The following B3GALT1 variants were observed in gnomAD, a reference collection of about 807,000 sequenced individuals.
B3GALT1 encodes beta-1,3-galactosyltransferase 1.
Under a neutral mutation model 23.2 loss-of-function variants are expected in B3GALT1, and 10 were observed. That is an observed-to-expected ratio of 0.43 (90% CI 0.27 to 0.73). The LOEUF (loss-of-function observed/expected upper bound fraction) is 0.73, where lower values mean the gene tolerates loss of function less well. B3GALT1 is among the 30% of genes least tolerant of loss of function. The pLI is 0.21. For synonymous variants in B3GALT1, 156 were observed against 141.5 expected (o/e 1.10, Z -0.73); for missense variants, 299 against 405.4 (o/e 0.74, Z 2.25).
chr2:167,421,773 C>A (rs1698549476), intron 1 of B3GALT1, among the ~76,000 whole-genome samples: 1 of 152,292 alleles, frequency 6.6e-6, no homozygotes, highest in Non-Finnish European at 1.5e-5. Flanking sequence ...GTTGGCTCAT[C>A]AACCTCTGCT....
intron 2 of B3GALT1, among the ~76,000 whole-genome samples, chr2:167,564,717 C>A (rs575102143): frequency 1.3e-5 from 2 of 152,338 alleles, no homozygotes; most frequent in South Asian, 4.1e-4. Context: ...ACACCAATAA[C>A]AGACAGACAG....
At chr2:167,428,170 A>C (rs1446701818) in intron 1 of B3GALT1, among the ~76,000 whole-genome samples, 1 of 152,252 alleles carries the variant, frequency 6.6e-6, no homozygotes, top group East Asian at 1.9e-4. Context: ...TGAGAAAATA[A>C]GGATAGGCAA....
chr2:167,541,723 T>G (rs1574127301), intron 2 of B3GALT1, among the ~76,000 whole-genome samples: 1 of 152,148 alleles, frequency 6.6e-6, no homozygotes, highest in East Asian at 1.9e-4. Flanking sequence ...TTGTCCTCCA[T>G]GAATACCTTT....
chr2:167,836,471 T>G (rs934911610), intron 4 of B3GALT1, among the ~76,000 whole-genome samples: 55 of 151,948 alleles, frequency 3.6e-4, no homozygotes, highest in African/African-American at 1.3e-3. Flanking sequence ...AAGGGAAGTT[T>G]AGAGAAAAAA....
chr2:167,545,121 G>A (rs1485515961), intron 2 of B3GALT1, among the ~76,000 whole-genome samples: 2 of 131,400 alleles, frequency 1.5e-5, no homozygotes, highest in Non-Finnish European at 3.1e-5. Flanking sequence ...TGCAAGCTCT[G>A]CCTCCCGGGT....
intron 2 of B3GALT1, among the ~76,000 whole-genome samples, chr2:167,571,025 A>G (rs1684285244): frequency 6.6e-6 from 1 of 151,990 alleles, no homozygotes; most frequent in African/African-American, 2.4e-5. Context: ...CTATTTTGGA[A>G]ACTGTTAAGT....
At chr2:167,651,751 G>A (rs1305062034) in intron 3 of B3GALT1, among the ~76,000 whole-genome samples, 3 of 152,148 alleles carry the variant, frequency 2.0e-5, no homozygotes, top group African/African-American at 7.2e-5. Flanking sequence ...GTTCAATAGT[G>A]CAGTTGAACA....
Position 167,623,571 on chromosome 2 carries a change from G to T in B3GALT1, c.-409-23338G>T, listed in dbSNP as rs139103422. The stretch of plus-strand genomic sequence containing the variant: ...GAACAATGAGAACACATGGGCACAG[G>T]GAGGGGAACATCACACACCAGGGCT... On this transcript the variant is annotated intron_variant, in intron 2 of 4. Transcript: ENST00000392690. Among the ~76,000 whole-genome samples, 978 of 152,120 alleles carry T rather than the reference G, an allele frequency of 6.4e-3. 9 individuals carry two copies. Among genetic ancestry groups the T allele is most frequent in the African/African-American group, 0.023 (947 of 41,514 alleles).
chr2:167,717,679 C>T (rs943711028), intron 3 of B3GALT1, among the ~76,000 whole-genome samples: 7 of 152,050 alleles, frequency 4.6e-5, no homozygotes, highest in Admixed American at 2.6e-4. Context: ...TTTATTCCTC[C>T]TCCTTTGGTT....
In B3GALT1 at chr2:167,808,360, T is replaced by G. The variant is rs1380248325; in HGVS notation, c.-351-10312T>G. ...TCCTGTCATTATGATGTTAGCTGGT[T>G]ATTTTGCTCGTTAGTTGATGCAGTT... On this transcript the variant is annotated intron_variant, in intron 3 of 4. Transcript: ENST00000392690. 1.1e-4 allele frequency among the ~76,000 whole-genome samples: 17 copies of G among 151,714 alleles called. No individual in the cohort carries two copies. In the East Asian group the frequency reaches 1.9e-3, roughly 17 times the overall value.
intron 2 of B3GALT1, among the ~76,000 whole-genome samples, chr2:167,513,033 G>T (rs994706791): frequency 1.7e-5 from 2 of 115,326 alleles, no homozygotes; most frequent in African/African-American, 3.3e-5. Flanking sequence ...CTGTTTGACA[G>T]AATTCACAAC....
intron 1 of B3GALT1, among the ~76,000 whole-genome samples, chr2:167,334,890 T>G (rs540558633): frequency 6.6e-6 from 1 of 152,322 alleles, no homozygotes; most frequent in South Asian, 2.1e-4. Context: ...CTCAGGACTG[T>G]TCTCTCAAGT....
chr2:167,347,845 G>A (rs567289880), intron 1 of B3GALT1, among the ~76,000 whole-genome samples: 18 of 152,230 alleles, frequency 1.2e-4, no homozygotes, highest in East Asian at 3.9e-4. Flanking sequence ...TTTTAACCTG[G>A]AAGAGTTGAA....
Position 167,298,277 on chromosome 2 carries a change from A to G in B3GALT1, c.-511+4943A>G, listed in dbSNP as rs113459814. ...TATTTATTGCCAGTTCATTTGAGGTAGAAGATCTAGAAACACTATTTGTTA... is the reference window on the plus strand; with the variant it reads ...TATTTATTGCCAGTTCATTTGAGGTGGAAGATCTAGAAACACTATTTGTTA... On this transcript the variant is annotated intron_variant, in intron 1 of 4. Transcript: ENST00000392690. Among the ~76,000 whole-genome samples, 1,125 of 152,248 alleles carry G rather than the reference A, an allele frequency of 7.4e-3. 14 individuals carry two copies. Among genetic ancestry groups the G allele is most frequent in the African/African-American group, 0.025 (1,053 of 41,576 alleles).
chr2:167,514,352 C>T (rs1326643369), intron 2 of B3GALT1, among the ~76,000 whole-genome samples: 1 of 152,134 alleles, frequency 6.6e-6, no homozygotes, highest in Admixed American at 6.5e-5. Context: ...TAAGCAAAAT[C>T]ATTGCAGTTT....
intron 3 of B3GALT1, among the ~76,000 whole-genome samples, chr2:167,663,532 C>T (rs1171546245): frequency 3.9e-5 from 6 of 151,908 alleles, no homozygotes; most frequent in Non-Finnish European, 7.4e-5. Flanking sequence ...TGAGGAATCG[C>T]CACACTGACT....
At chr2:167,799,502 T>C (rs1181085274) in intron 3 of B3GALT1, among the ~76,000 whole-genome samples, 3 of 152,194 alleles carry the variant, frequency 2.0e-5, no homozygotes, top group Non-Finnish European at 4.4e-5. Flanking sequence ...TGATGAAATA[T>C]ACCAAAATCA....
At chr2:167,506,107 CACA>C (rs1217526971) in intron 2 of B3GALT1, among the ~76,000 whole-genome samples, 3 of 152,080 alleles carry the variant, frequency 2.0e-5, no homozygotes, top group Admixed American at 1.3e-4. Context: ...GTTCAAGCAA[CACA>C]ACTCTATGAT....
chr2:167,617,607 CT>C (rs1029927392), intron 2 of B3GALT1, among the ~76,000 whole-genome samples: 1 of 151,970 alleles, frequency 6.6e-6, no homozygotes, highest in African/African-American at 2.4e-5. Context: ...CTTTGTAAAA[CT>C]TTTTTTGGAG....
Sources: gnomAD v4.1 joint callset for allele counts (sites outside exome capture counted in the v4.1 genomes callset) on GRCh38, gnomAD v4.1.1 for gene constraint, MANE v1.5 for transcripts, NCBI Gene and HGNC (gene_info 2026-07-23, HGNC 2026-07-21) for gene names.